Variants in PTPRD observed in about 807,000 individuals in gnomAD.
PTPRD encodes receptor-type tyrosine-protein phosphatase delta.
Under a neutral mutation model 214.5 loss-of-function variants are expected in PTPRD, and 34 were observed. The ratio of observed to expected loss-of-function variants is 0.16; its 90% CI spans 0.12 to 0.21. The LOEUF is 0.21. PTPRD is among the 10% of genes least tolerant of loss of function. The probability of loss-of-function intolerance (pLI) is 1.00; values close to 1 mark genes in which losing one functional copy is unlikely to be tolerated. For missense variants in PTPRD, 2,545 were observed against 2,398.7 expected, an observed-to-expected ratio of 1.06 and a Z score of -1.27; for synonymous variants, 1,128 against 845.7, an observed-to-expected ratio of 1.33 and a Z score of -5.79.
At chr9:8,968,372 C>G (rs923203339) in intron 11 of PTPRD, among the ~76,000 whole-genome samples, 1 of 151,972 alleles carries the variant, frequency 6.6e-6, no homozygotes, top group African/African-American at 2.4e-5. Flanking sequence ...GTCCCACCAA[C>G]AGTGTAAAAG....
chr9:9,269,853 G>T (rs1459884149), intron 9 of PTPRD, among the ~76,000 whole-genome samples: 2 of 151,174 alleles, frequency 1.3e-5, no homozygotes, highest in African/African-American at 2.4e-5. Flanking sequence ...TGAGGTTGGG[G>T]GTGGTTGGGG....
At chr9:8,905,847 G>A (rs1011160632) in intron 11 of PTPRD, among the ~76,000 whole-genome samples, 1 of 151,884 alleles carries the variant, frequency 6.6e-6, no homozygotes, top group African/African-American at 2.4e-5. Context: ...CCAATCCAAC[G>A]AGTTTATTCA....
At chr9:8,948,534 T>C (rs1359767603) in intron 11 of PTPRD, among the ~76,000 whole-genome samples, 1 of 30,190 alleles carries the variant, frequency 3.3e-5, no homozygotes, top group African/African-American at 8.5e-5. Context: ...TATATATTTA[T>C]ATATATATTT....
chr9:8,620,200 C>A (rs1376375226), intron 14 of PTPRD, among the ~76,000 whole-genome samples: 1 of 151,918 alleles, frequency 6.6e-6, no homozygotes, highest in Non-Finnish European at 1.5e-5. Flanking sequence ...TTTCTAATTG[C>A]CAATAAAACC....
At chr9:9,223,661 T>C (rs2099957591) in intron 9 of PTPRD, among the ~76,000 whole-genome samples, 1 of 151,944 alleles carries the variant, frequency 6.6e-6, no homozygotes, top group Non-Finnish European at 1.5e-5. Flanking sequence ...CTAGAGCAAA[T>C]TGGTATTATT....
intron 11 of PTPRD, among the ~76,000 whole-genome samples, chr9:8,754,909 A>G (rs1050192643): frequency 6.6e-5 from 10 of 152,194 alleles, no homozygotes; most frequent in Non-Finnish European, 1.3e-4. Flanking sequence ...TAAACAGGCA[A>G]TTCACAAAAG....
chr9:8,556,476 G>A (rs2083788712), intron 14 of PTPRD, among the ~76,000 whole-genome samples: 1 of 152,052 alleles, frequency 6.6e-6, no homozygotes. Context: ...GATATTCAAG[G>A]CCACCAAAAT....
chr9:8,770,588 C>T (rs976633602), intron 11 of PTPRD, among the ~76,000 whole-genome samples: 1 of 152,072 alleles, frequency 6.6e-6, no homozygotes, highest in Non-Finnish European at 1.5e-5. Flanking sequence ...TCACTAAATC[C>T]AAAATCTTAC....
chr9:9,658,952 A>G (rs926533046), intron 7 of PTPRD, among the ~76,000 whole-genome samples: 1 of 152,120 alleles, frequency 6.6e-6, no homozygotes, highest in Non-Finnish European at 1.5e-5. Context: ...AAGCAATCAC[A>G]TTTCAAAGAA....
At chr9:9,107,908 GA>G in intron 10 of PTPRD, among the ~76,000 whole-genome samples, 1 of 152,144 alleles carries the variant, frequency 6.6e-6, no homozygotes, top group East Asian at 1.9e-4. Flanking sequence ...ATATTTCATG[GA>G]AAAATCTGGT....
intron 4 of PTPRD, among the ~76,000 whole-genome samples, chr9:9,946,592 A>G (rs975018241): frequency 6.6e-6 from 1 of 152,052 alleles, no homozygotes; most frequent in Non-Finnish European, 1.5e-5. Context: ...TTGCAAAGGG[A>G]AACATATTCT....
At chr9:10,163,405 A>T (rs922214071) in intron 3 of PTPRD, among the ~76,000 whole-genome samples, 18 of 151,566 alleles carry the variant, frequency 1.2e-4, no homozygotes, top group African/African-American at 4.1e-4. Flanking sequence ...AACATTTTAA[A>T]ATATTTGCAT....
intron 7 of PTPRD, among the ~76,000 whole-genome samples, chr9:9,678,687 T>C (rs1292220755): frequency 6.6e-6 from 1 of 151,520 alleles, no homozygotes; most frequent in Non-Finnish European, 1.5e-5. Context: ...TATAGAACAA[T>C]TAGAAGAAAA....
intron 11 of PTPRD, among the ~76,000 whole-genome samples, chr9:8,969,613 G>T (rs1022343826): frequency 2.0e-5 from 3 of 151,896 alleles, no homozygotes; most frequent in African/African-American, 7.2e-5. Context: ...TTATAAAAAA[G>T]TATGCAAATA....
At chr9:9,157,822 C>T (rs963425463) in intron 10 of PTPRD, among the ~76,000 whole-genome samples, 1 of 152,246 alleles carries the variant, frequency 6.6e-6, no homozygotes, top group East Asian at 1.9e-4. Flanking sequence ...TCCCATTACC[C>T]AGGTATTAAG....
At chr9:8,795,138 T>C (rs540899043) in intron 11 of PTPRD, among the ~76,000 whole-genome samples, 2 of 152,042 alleles carry the variant, frequency 1.3e-5, no homozygotes, top group South Asian at 2.1e-4. Context: ...ATTAGTATCA[T>C]CCACCCCTAT....
At chr9:9,757,997 T>G (rs529336840) in intron 6 of PTPRD, among the ~76,000 whole-genome samples, 1 of 152,208 alleles carries the variant, frequency 6.6e-6, no homozygotes, top group Admixed American at 6.5e-5. Flanking sequence ...TGCTTACATT[T>G]GGATAGTTCC....
In PTPRD at chr9:10,005,837, T is replaced by C. The variant is rs899475874; in HGVS notation, c.-472+27881A>G. ...ACAAATTCATAAAGATATTTCATTA[T>C]AGTATTAGATATAAAAGAACAAAAT... On this transcript the variant is annotated intron_variant, in intron 4 of 45. Transcript: ENST00000381196. 5.5e-4 allele frequency among the ~76,000 whole-genome samples: 83 copies of C among 152,228 alleles called. 1 individual carries two copies. The highest frequency in any genetic ancestry group is 4.4e-3 in the Admixed American group (67 of 15,244).
At chr9:9,772,397 A>T (rs10977968) in intron 5 of PTPRD, among the ~76,000 whole-genome samples, 36 of 152,094 alleles carry the variant, frequency 2.4e-4, no homozygotes, top group Non-Finnish European at 4.1e-4. Context: ...ACAACTGATA[A>T]TTTCCAGTTA....
Sources: allele counts gnomAD v4.1 joint callset (sites outside exome capture counted in the v4.1 genomes callset), GRCh38; gene constraint gnomAD v4.1.1; transcripts MANE v1.5; gene names NCBI Gene and HGNC (gene_info 2026-07-23, HGNC 2026-07-21).